The following AMACR variants were observed in gnomAD, a reference collection of about 807,000 sequenced individuals.
The protein encoded by AMACR is 2-methylacyl-CoA racemase.
AMACR carries 18 observed loss-of-function variants against 22.2 expected under a neutral mutation model. The observed-to-expected ratio is 0.81, with a 90% CI of 0.56 to 1.20. The LOEUF (loss-of-function observed/expected upper bound fraction) is 1.20. Among genes scored for constraint, AMACR ranks in the 50% most tolerant of loss-of-function variants. AMACR has a pLI of 0.00. For synonymous variants in AMACR, 213 were observed against 191.3 expected, an observed-to-expected ratio of 1.11 and a Z score of -0.94; for missense variants, 499 against 490.6, an observed-to-expected ratio of 1.02 and a Z score of -0.16.
At chr5:34,004,088 T>A (rs944357891) in intron 3 of AMACR, among the ~76,000 whole-genome samples, 8 of 152,218 alleles carry the variant, frequency 5.3e-5, no homozygotes, top group Admixed American at 5.2e-4. Flanking sequence ...TGTTATGATA[T>A]CAGAGCATCC....
At position 33,989,327 on chromosome 5, in the gene AMACR, A is replaced by T; in HGVS notation, c.915T>A (p.His305Gln). ...TPVLTFEEVV[H>Q]HDHNKERGSF... ...AGCCCCGTTCCTTGTTGTGATCATG[A>T]TGAACAACCTCCTCAAAAGTCAGAA... The change falls in exon 5 of 5, where the codon CAT becomes CAA. Residue 305 changes from histidine to glutamine, a missense_variant. Physicochemically the swap from His to Gln is conservative, Grantham distance 24 (BLOSUM62 0). Transcript: ENST00000335606. 6.2e-7 allele frequency: 1 copy of T among 1,614,146 alleles called. No homozygotes were observed. Among genetic ancestry groups the T allele is most frequent in the South Asian group, 1.1e-5 (1 of 91,082 alleles).
intron 4 of AMACR, among the ~76,000 whole-genome samples, chr5:33,996,451 G>A (rs1418513605): frequency 6.6e-6 from 1 of 152,068 alleles, no homozygotes; most frequent in African/African-American, 2.4e-5. Flanking sequence ...AGAAGTTAAG[G>A]CATATAGTGC....
intron 2 of AMACR, among the ~76,000 whole-genome samples, chr5:34,005,204 T>C (rs1043045049): frequency 2.2e-4 from 33 of 152,338 alleles, no homozygotes; most frequent in African/African-American, 7.9e-4. Context: ...AAATGTCCTA[T>C]AGTCAACAAC....
Position 33,989,043 on chromosome 5 carries a change from C to T in AMACR, c.*50G>A. 1 of 1,612,194 alleles carries T rather than the reference C, an allele frequency of 6.2e-7. No homozygotes were observed. Among genetic ancestry groups the T allele is most frequent in the Non-Finnish European group, 8.5e-7 (1 of 1,179,352 alleles). ...CATGCATACAATGTTATGTGTTACT[C>T]TACACTGTAAATGCAGTATTCAAAT... On this transcript the variant is annotated 3_prime_UTR_variant, in exon 5 of 5. Coordinates refer to ENST00000335606, the MANE Select transcript of AMACR (RefSeq NM_014324.6).
chr5:34,002,610 G>C (rs1753851363), intron 3 of AMACR, among the ~76,000 whole-genome samples: 1 of 151,176 alleles, frequency 6.6e-6, no homozygotes, highest in Non-Finnish European at 1.5e-5. Context: ...CTGCTTTAGA[G>C]GAAGGCAGTT....
chr5:33,989,048 C>A lies in AMACR; in HGVS notation c.*45G>T. On this transcript the variant is annotated 3_prime_UTR_variant, in exon 5 of 5. Coordinates refer to ENST00000335606, the MANE Select transcript of AMACR (RefSeq NM_014324.6). ...ATACAATGTTATGTGTTACTCTACA[C>A]TGTAAATGCAGTATTCAAATTCACT... is the stretch of plus-strand genomic sequence containing the variant. The A allele has an allele frequency of 6.2e-7, 1 of 1,612,930 alleles. No individual in the cohort carries two copies. The highest frequency in any genetic ancestry group is 8.5e-7 in the Non-Finnish European group (1 of 1,179,652).
Position 33,988,870 on chromosome 5 carries a change from T to C in AMACR, c.*223A>G. 4 of 1,384,258 alleles carry C rather than the reference T, an allele frequency of 2.9e-6. No homozygotes were observed. The highest frequency in any genetic ancestry group is 2.7e-5 in the East Asian group (1 of 36,420). The allele number at this position is 1,384,258 out of a possible 1,614,324, so 85.7% of individuals were successfully genotyped here. On this transcript the variant is annotated 3_prime_UTR_variant, in exon 5 of 5. Coordinates refer to ENST00000335606, the MANE Select transcript of AMACR (RefSeq NM_014324.6). ...AAACTGGAAGGCAGAATAACTACCA[T>C]AATTTAGTATAAGTACCCAAAGTTT...
chr5:34,005,948 G>C (rs1258936410), intron 1 of AMACR, 49 bp from the exon 2 acceptor site: 3 of 1,601,556 alleles, frequency 1.9e-6, no homozygotes, highest in Non-Finnish European at 1.7e-6. Flanking sequence ...ATTGAGGATG[G>C]AGATAATCCC....
In AMACR at chr5:34,007,815, G is replaced by T. The variant is rs942585511; in HGVS notation, c.205C>A (p.Leu69Met). 4 of 1,576,950 alleles carry T rather than the reference G, an allele frequency of 2.5e-6. No homozygotes were observed. Among genetic ancestry groups the T allele is most frequent in the Non-Finnish European group, 2.6e-6 (3 of 1,165,652 alleles). Residue 69 changes from leucine to methionine, a missense_variant, in exon 1 of 5, where the codon CTG becomes ATG. Physicochemically the swap from Leu to Met is conservative, Grantham distance 15. Transcript: ENST00000335606. The part of the protein sequence containing the change: ...QPRGAAVLRR[L>M]CKRSDVLLEP... Reference sequence around the variant, plus strand: ...AGCAGCACATCCGACCGCTTGCACAGACGCCGCAGCACGGCGGCTCCCCGC... The same window carrying T: ...AGCAGCACATCCGACCGCTTGCACATACGCCGCAGCACGGCGGCTCCCCGC...
At chr5:33,999,610 C>A (rs1211662973) in intron 3 of AMACR, among the ~76,000 whole-genome samples, 2 of 152,226 alleles carry the variant, frequency 1.3e-5, no homozygotes, top group East Asian at 3.8e-4. Context: ...GACCTTTATG[C>A]CTTTTATGAG....
chr5:33,997,357 T>A (rs376323327), intron 4 of AMACR: 2 of 775,728 alleles, frequency 2.6e-6, no homozygotes, highest in African/African-American at 3.4e-5. Context: ...CTTGAAAACA[T>A]CCAACTCAAA....
At chr5:34,007,206 G>C (rs902464178) in intron 1 of AMACR, among the ~76,000 whole-genome samples, 1 of 152,240 alleles carries the variant, frequency 6.6e-6, no homozygotes, top group African/African-American at 2.4e-5. Context: ...CCCAGGACCT[G>C]TGTATGCCAG....
At chr5:33,993,950 G>A in intron 4 of AMACR, 1 of 413,804 alleles carries the variant, frequency 2.4e-6, no homozygotes, top group South Asian at 1.7e-5. Flanking sequence ...TTGCTTACCT[G>A]ATTGTACTAT....
chr5:33,988,523 T>C lies in AMACR; in HGVS notation c.*570A>G. 2 of 1,402,268 alleles carry C rather than the reference T, an allele frequency of 1.4e-6. No homozygotes were observed. Among genetic ancestry groups the C allele is most frequent in the Non-Finnish European group, 9.2e-7 (1 of 1,082,450 alleles). The allele number at this position is 1,402,268 out of a possible 1,614,324, so 86.9% of individuals were successfully genotyped here. ...TTTCCTCATTATTTTGGATATGTTT[T>C]TTTCAGTTGAAGGCATTCTGATTCA... On this transcript the variant is annotated 3_prime_UTR_variant, in exon 5 of 5. Coordinates refer to ENST00000335606, the MANE Select transcript of AMACR (RefSeq NM_014324.6).
intron 1 of AMACR, among the ~76,000 whole-genome samples, chr5:34,006,389 T>A (rs1267388448): frequency 6.6e-6 from 1 of 152,080 alleles, no homozygotes; most frequent in African/African-American, 2.4e-5. Context: ...GTAGAAAGAG[T>A]GGTTAGTGAC....
In AMACR at chr5:34,004,750, C is replaced by G. The variant is rs756124583; in HGVS notation, c.392-16G>C. On this transcript the variant is annotated splice_polypyrimidine_tract_variant and intron_variant, in intron 2 of 4. Transcript: ENST00000335606. ...GAGAGAACACCTACATCATTAAAAA[C>G]AAATTTAATGTCTCTTTTAAATTTA... The G allele has an allele frequency of 2.1e-4, 344 of 1,613,124 alleles. 2 individuals carry two copies. The highest frequency in any genetic ancestry group is 1.8e-5 in the Non-Finnish European group (21 of 1,179,262).
chr5:33,996,278 A>C (rs1244031516), intron 4 of AMACR, among the ~76,000 whole-genome samples: 1 of 152,232 alleles, frequency 6.6e-6, no homozygotes, highest in Non-Finnish European at 1.5e-5. Flanking sequence ...TGGGATATCC[A>C]TAGGGGACTT....
intron 4 of AMACR, among the ~76,000 whole-genome samples, chr5:33,990,518 C>T (rs250414): frequency 0.44 from 67,287 of 151,812 alleles, 17,047 homozygotes; most frequent in Non-Finnish European, 0.58. Flanking sequence ...TAAATTATAC[C>T]CAAAGAGCAG....
At position 34,004,694 on chromosome 5, in the gene AMACR, A is replaced by T; in HGVS notation, c.432T>A (p.Tyr144Ter). ...AGTCAGCCAGGAGATTCAGCGGGGC[A>T]TACGGATTCTCACCACTTCTGCCAA... ...SKIGRSGENP[Y>*]APLNLLADFA... is the part of the protein sequence containing the mutation. The change falls in exon 3 of 5, where the codon TAT becomes TAA. Residue 144 changes from tyrosine (Y) to a stop codon, truncating the protein, a stop_gained. Coordinates refer to ENST00000335606, the MANE Select transcript of AMACR (RefSeq NM_014324.6). LOFTEE classifies it high-confidence loss of function. The T allele has an allele frequency of 6.2e-7, 1 of 1,614,234 alleles. No individual in the cohort carries two copies. Among genetic ancestry groups the T allele is most frequent in the South Asian group, 1.1e-5 (1 of 91,086 alleles).
Sources: gnomAD v4.1 joint callset for allele counts (sites outside exome capture counted in the v4.1 genomes callset) on GRCh38, gnomAD v4.1.1 for gene constraint, MANE v1.5 for transcripts, NCBI Gene and HGNC (gene_info 2026-07-23, HGNC 2026-07-21) for gene names.